The following ZNF44 variants were observed in gnomAD, a reference collection of about 807,000 sequenced individuals.
The protein encoded by ZNF44 is gonadotropin inducible transcription repressor-2.
A neutral mutation model predicts 11.7 loss-of-function variants in ZNF44; 9 were observed. The observed-to-expected ratio is 0.77, with a 90% CI of 0.46 to 1.35. The LOEUF (loss-of-function observed/expected upper bound fraction) is 1.35. Ranked by LOEUF, ZNF44 falls within the 40% of genes most tolerant of loss-of-function variation. The pLI is 0.00. For missense variants in ZNF44, 696 were observed against 743.1 expected (o/e 0.94, Z 0.74); for synonymous variants, 224 against 242.7 (o/e 0.92, Z 0.72).
chr19:12,253,699 G>A (rs972621231), intron 5 of ZNF44, among the ~76,000 whole-genome samples: 1 of 152,044 alleles, frequency 6.6e-6, no homozygotes, highest in African/African-American at 2.4e-5. Context: ...GGAAGGACAG[G>A]CCGAGTACAG....
At chr19:12,270,857 T>G (rs1325883173), downstream of ZNF44, among the ~76,000 whole-genome samples, 1 of 152,164 alleles carries the variant, frequency 6.6e-6, no homozygotes, top group African/African-American at 2.4e-5. Flanking sequence ...CTGTGCTTAC[T>G]GCAGAGGCTG....
At chr19:12,244,047 T>C (rs1055404636), downstream of ZNF44, among the ~76,000 whole-genome samples, 2 of 152,176 alleles carry the variant, frequency 1.3e-5, no homozygotes, top group African/African-American at 4.8e-5. Context: ...CTTAATTTGT[T>C]AGTTTTTTGA....
chr19:12,265,209 C>A (rs1392045603), intron 5 of ZNF44, among the ~76,000 whole-genome samples: 3 of 151,918 alleles, frequency 2.0e-5, no homozygotes, highest in African/African-American at 7.2e-5. Context: ...AGTTCGAGAC[C>A]AGCCTGGGCA....
At chr19:12,288,774 G>GTATATGTATATATATATATATATATA (rs1413658227) in intron 1 of ZNF44, among the ~76,000 whole-genome samples, 8 of 76,840 alleles carry the variant, frequency 1.0e-4, no homozygotes, top group South Asian at 3.8e-4. Context: ...AAAAAAAAAT[G>GTATATGTATATATATATATATATATA]TATATATATA....
intron 1 of ZNF44, among the ~76,000 whole-genome samples, chr19:12,294,476 T>C (rs1382278728): frequency 6.6e-6 from 1 of 152,188 alleles, no homozygotes; most frequent in Admixed American, 6.5e-5. Flanking sequence ...GGGGCCGCAG[T>C]CGCAGCTCAG....
At chr19:12,236,699 G>A (rs1034585534) in intron 1 of ZNF44, among the ~76,000 whole-genome samples, 5 of 152,144 alleles carry the variant, frequency 3.3e-5, no homozygotes, top group Non-Finnish European at 7.4e-5. Flanking sequence ...CCTGTGTACT[G>A]GTTAACCTTT....
intron 3 of ZNF44, among the ~76,000 whole-genome samples, chr19:12,228,210 T>C (rs144201435): frequency 6.6e-6 from 1 of 152,294 alleles, no homozygotes; most frequent in East Asian, 1.9e-4. Flanking sequence ...ATTGTTTAAC[T>C]TTTTAATGTA....
rs1156440537 is a variant in ZNF44, at chr19:12,249,233, T to C, written c.*187-555A>G. Among the ~76,000 whole-genome samples the C allele has an allele frequency of 6.7e-5, 10 of 149,054 alleles. 1 individual carries two copies. The highest frequency in any genetic ancestry group is 6.6e-4 in the Admixed American group (10 of 15,040). On this transcript the variant is annotated intron_variant and NMD_transcript_variant, in intron 7 of 7. Coordinates refer to the ZNF44 transcript ENST00000393337. The stretch of plus-strand genomic sequence containing the variant: ...TAAGAAAGCACTTTGGGGCCAGGCG[T>C]GGTGGCTCACACCTGTAATCCCAGC...
intron 1 of ZNF44, chr19:12,291,297 C>T (rs2458999): frequency 0.36 from 156,982 of 440,234 alleles, 32,271 homozygotes; most frequent in African/African-American, 0.73. Context: ...TATAATTCAA[C>T]CAAATACCTA....
chr19:12,273,275 T>G lies in ZNF44; in HGVS notation c.980A>C (p.His327Pro). ...AFCHLGSFQR[H>P]MIMHSGDGPH... ...TCCATCTCCACTGTGCATTATCATG[T>G]GTCTTTGAAAGCTTCCAAGATGACA... is the stretch of plus-strand genomic sequence containing the variant. The change falls in exon 4 of 4, where the codon CAC (histidine) becomes CCC (proline). Residue 327 changes from histidine to proline, a missense_variant. Physicochemically the swap from His to Pro is moderately conservative, Grantham distance 77. Coordinates refer to ENST00000355684, the MANE Select transcript of ZNF44 (RefSeq NM_016264.4). 1 of 1,614,194 alleles carries G rather than the reference T, an allele frequency of 6.2e-7. No individual in the cohort carries two copies.
rs933560013 is a variant in ZNF44, at chr19:12,272,339, C to T, written c.*68G>A. On this transcript the variant is annotated 3_prime_UTR_variant, in exon 4 of 4. Coordinates refer to ENST00000355684, the MANE Select transcript of ZNF44 (RefSeq NM_016264.4). The stretch of plus-strand genomic sequence containing the variant: ...TAAGGCTTTACCACGTTTACATTCA[C>T]AGGATTTATTTCTTTCAAGTATCTG... 1.2e-5 allele frequency: 17 copies of T among 1,442,014 alleles called. No individual in the cohort carries two copies. The Admixed American group carries it at 1.5e-4, about 13-fold the overall frequency. 89.3% of individuals were successfully genotyped at this position (1,442,014 alleles called of 1,614,324 possible). A position where few individuals can be genotyped will look rare whatever the true frequency, so the allele number is the denominator to read the frequency against.
chr19:12,258,134 G>A (rs1244793979), intron 5 of ZNF44, among the ~76,000 whole-genome samples: 2 of 122,332 alleles, frequency 1.6e-5, no homozygotes, highest in East Asian at 2.3e-4. Context: ...GACCAGCCTG[G>A]ACAACATAGT....
At chr19:12,242,442 G>A (rs1435541803), upstream of ZNF44, among the ~76,000 whole-genome samples, 18 of 151,022 alleles carry the variant, frequency 1.2e-4, no homozygotes, top group Admixed American at 3.3e-4. Flanking sequence ...CCTGGGAGGC[G>A]GAGCTTGCAG....
Position 12,272,175 on chromosome 19 carries a change from T to TC in ZNF44, c.*231dup. ...CTATGCCTGGCTATTTTTTTTTTTT[T>TC]CCGTATTTTTAGTAGAGACAGGGTT... On this transcript the variant is annotated 3_prime_UTR_variant, in exon 4 of 4. Coordinates refer to ENST00000355684, the MANE Select transcript of ZNF44 (RefSeq NM_016264.4). 1 of 493,340 alleles carries TC rather than the reference T, an allele frequency of 2.0e-6. No individual in the cohort carries two copies. The highest frequency in any genetic ancestry group is 3.0e-6 in the Non-Finnish European group (1 of 332,890). The allele number at this position is 493,340 out of a possible 1,614,324, so 30.6% of individuals were successfully genotyped here.
At chr19:12,291,075 C>A in intron 1 of ZNF44, 1 of 279,268 alleles carries the variant, frequency 3.6e-6, no homozygotes, top group Non-Finnish European at 7.1e-6. Flanking sequence ...GCACAAGTAT[C>A]TATCCATCTC....
intron 1 of ZNF44, among the ~76,000 whole-genome samples, chr19:12,284,073 C>T (rs903398595): frequency 6.6e-6 from 1 of 152,118 alleles, no homozygotes; most frequent in African/African-American, 2.4e-5. Flanking sequence ...TTACCAATCC[C>T]TCCATGTAAA....
At position 12,273,770 on chromosome 19, in the gene ZNF44, G is replaced by C; in HGVS notation, c.485C>G (p.Pro162Arg). ...YRHSFQTCER[P>R]HTGKKPYDCK... ...ATCATAGGGTTTCTTTCCAGTGTGA[G>C]GCCTTTCACATGTTTGAAAGGAGTG... Residue 162 changes from proline to arginine, a missense_variant, in exon 4 of 4, where the codon CCT becomes CGT. Coordinates refer to ENST00000355684, the MANE Select transcript of ZNF44 (RefSeq NM_016264.4). 1 of 1,614,114 alleles carries C rather than the reference G, an allele frequency of 6.2e-7. No individual in the cohort carries two copies. Among genetic ancestry groups the C allele is most frequent in the Non-Finnish European group, 8.5e-7 (1 of 1,180,020 alleles).
At chr19:12,238,624 CAAAAAAAAAA>C (rs760047200), upstream of ZNF44, among the ~76,000 whole-genome samples, 4 of 62,668 alleles carry the variant, frequency 6.4e-5, no homozygotes, top group Non-Finnish European at 1.1e-4. Context: ...GAGACTGTCT[CAAAAAAAAAA>C]AAAAAAAAAA....
At chr19:12,267,266 A>T (rs1917772295), downstream of ZNF44, among the ~76,000 whole-genome samples, 1 of 151,402 alleles carries the variant, frequency 6.6e-6, no homozygotes, top group African/African-American at 2.4e-5. Flanking sequence ...CTGGTCTCGA[A>T]CTCCTGACCT....
Sources: allele counts gnomAD v4.1 joint callset (sites outside exome capture counted in the v4.1 genomes callset), GRCh38; gene constraint gnomAD v4.1.1; transcripts MANE v1.5; gene names NCBI Gene and HGNC (gene_info 2026-07-23, HGNC 2026-07-21).